Variants in CSMD1 observed in about 807,000 individuals in gnomAD.
CSMD1 encodes the protein CUB and sushi domain-containing protein 1.
A neutral mutation model predicts 417.5 loss-of-function variants in CSMD1; 213 were observed. The observed-to-expected ratio is 0.51, with a 90% CI of 0.46 to 0.57. The LOEUF (loss-of-function observed/expected upper bound fraction) is 0.57. CSMD1 is among the 20% of genes least tolerant of loss of function. The pLI, the probability that CSMD1 is intolerant of heterozygous loss-of-function variation, is 0.00. For synonymous variants in CSMD1, 2,862 were observed against 1,736.8 expected (o/e 1.65, Z -16.11); for missense variants, 6,923 against 4,529.7 (o/e 1.53, Z -15.17).
chr8:4,403,907 C>G (rs145919809), intron 3 of CSMD1, among the ~76,000 whole-genome samples: 1 of 152,296 alleles, frequency 6.6e-6, no homozygotes, highest in East Asian at 1.9e-4. Flanking sequence ...CCTACCCACA[C>G]CCGCATTAAC....
chr8:4,510,716 C>T (rs1259640717), intron 2 of CSMD1, among the ~76,000 whole-genome samples: 1 of 145,946 alleles, frequency 6.9e-6, no homozygotes, highest in Non-Finnish European at 1.5e-5. Context: ...TCCCCTTTCC[C>T]TTCCCTTCCT....
Position 4,066,215 on chromosome 8 carries a change from T to C in CSMD1, c.416-34116A>G, listed in dbSNP as rs373247419. ...TAGGGACTGTTTCAACTGCCAGTCA[T>C]GGGCAACGCCTCCTTCCTTCTTTGT... On this transcript the variant is annotated intron_variant, in intron 3 of 69. Transcript: ENST00000635120. Among the ~76,000 whole-genome samples, 31 of 152,350 alleles carry C rather than the reference T, an allele frequency of 2.0e-4. No homozygotes were observed. In the South Asian group the frequency reaches 6.4e-3, roughly 32 times the overall value.
chr8:3,646,991 T>C (rs1356070542), intron 7 of CSMD1, among the ~76,000 whole-genome samples: 1 of 152,204 alleles, frequency 6.6e-6, no homozygotes, highest in Non-Finnish European at 1.5e-5. Context: ...AAGGGCCAGA[T>C]ACGCATTTTT....
chr8:3,278,815 A>C lies in CSMD1; in HGVS notation c.4153+5329T>G, dbSNP rs550720260. On this transcript the variant is annotated intron_variant, in intron 26 of 69. Coordinates refer to ENST00000635120, the MANE Select transcript of CSMD1 (RefSeq NM_033225.6). ...TTTCCCACCTTTGGTTTGGAAAGAC[A>C]CCAGCTTGATTTAGTTTCATGGCTG... is the stretch of plus-strand genomic sequence containing the variant. The C allele has an allele frequency of 6.9e-4, 105 of 152,280 alleles. 1 individual carries two copies. The highest frequency in any genetic ancestry group is 2.4e-3 in the African/African-American group (99 of 41,526). 9.4% of individuals were successfully genotyped at this position (152,280 alleles called of 1,614,324 possible).
At chr8:4,961,193 T>C (rs1265633940) in intron 1 of CSMD1, among the ~76,000 whole-genome samples, 1 of 152,222 alleles carries the variant, frequency 6.6e-6, no homozygotes, top group East Asian at 1.9e-4. Context: ...ACTTTTAGAA[T>C]GCATAGTATT....
At chr8:4,680,642 T>C (rs1046747037) in intron 1 of CSMD1, among the ~76,000 whole-genome samples, 1 of 152,080 alleles carries the variant, frequency 6.6e-6, no homozygotes, top group Non-Finnish European at 1.5e-5. Context: ...TGCAGTGGCA[T>C]GATCTTGGCT....
At chr8:4,202,432 C>T (rs1047432467) in intron 3 of CSMD1, among the ~76,000 whole-genome samples, 1 of 152,060 alleles carries the variant, frequency 6.6e-6, no homozygotes, top group Non-Finnish European at 1.5e-5. Context: ...ATGTAGAGGT[C>T]GTGGAAATGT....
intron 3 of CSMD1, among the ~76,000 whole-genome samples, chr8:4,167,827 C>A (rs1341210222): frequency 2.6e-5 from 4 of 151,928 alleles, no homozygotes; most frequent in Admixed American, 1.3e-4. Context: ...CCATCTCTAC[C>A]AAGAATTATA....
chr8:4,011,832 T>C (rs1816561219), intron 4 of CSMD1, among the ~76,000 whole-genome samples: 2 of 152,162 alleles, frequency 1.3e-5, no homozygotes, highest in South Asian at 4.1e-4. Flanking sequence ...TGCACAGTCA[T>C]CTTTGGTATC....
At position 4,588,665 on chromosome 8, in the gene CSMD1, G is replaced by C. The variant is rs191882572; in HGVS notation, c.302+48677C>G. 2.0e-5 allele frequency among the ~76,000 whole-genome samples: 3 copies of C among 151,936 alleles called. No homozygotes were observed. In the East Asian group the frequency reaches 5.9e-4, roughly 30 times the overall value. On this transcript the variant is annotated intron_variant, in intron 2 of 69. Coordinates refer to ENST00000635120, the MANE Select transcript of CSMD1 (RefSeq NM_033225.6). ...CCGGGCGTGGTGGCGGGCGCCTTTA[G>C]TCCCAGCTACTCAAGAGGCTGAGGC...
At chr8:4,686,244 T>C (rs1388692882) in intron 1 of CSMD1, among the ~76,000 whole-genome samples, 1 of 152,236 alleles carries the variant, frequency 6.6e-6, no homozygotes, top group Non-Finnish European at 1.5e-5. Flanking sequence ...GATTTTCCTC[T>C]TGCCAAGCAC....
chr8:4,903,319 G>A (rs1044744650), intron 1 of CSMD1, among the ~76,000 whole-genome samples: 4 of 152,058 alleles, frequency 2.6e-5, no homozygotes, highest in African/African-American at 7.2e-5. Flanking sequence ...TTGCTTTATG[G>A]ATAAAATTAC....
chr8:3,607,667 GT>G (rs1563194851), intron 8 of CSMD1, among the ~76,000 whole-genome samples: 1 of 152,186 alleles, frequency 6.6e-6, no homozygotes, highest in Admixed American at 6.5e-5. Flanking sequence ...GTTAGGCAGT[GT>G]ATGACTGGAT....
intron 5 of CSMD1, among the ~76,000 whole-genome samples, chr8:3,930,582 T>C (rs945589457): frequency 1.3e-5 from 2 of 150,342 alleles, no homozygotes; most frequent in African/African-American, 4.9e-5. Context: ...TGAGGTCCCG[T>C]TCCAGCCAAA....
chr8:3,275,887 G>C (rs1187243994), intron 26 of CSMD1, among the ~76,000 whole-genome samples: 1 of 152,008 alleles, frequency 6.6e-6, no homozygotes, highest in East Asian at 1.9e-4. Flanking sequence ...TCCTCCTGTA[G>C]CTCAGAGTAA....
intron 8 of CSMD1, among the ~76,000 whole-genome samples, chr8:3,592,265 A>G (rs1800884245): frequency 6.6e-6 from 1 of 152,156 alleles, no homozygotes; most frequent in African/African-American, 2.4e-5. Flanking sequence ...AGACAGATAT[A>G]TATCTTTCTG....
At chr8:3,783,778 C>G (rs1159644096) in intron 5 of CSMD1, among the ~76,000 whole-genome samples, 1 of 152,122 alleles carries the variant, frequency 6.6e-6, no homozygotes, top group Admixed American at 6.6e-5. Flanking sequence ...AAAAGAAAGT[C>G]GCATAGGAGA....
chr8:4,791,826 A>G (rs987514761), intron 1 of CSMD1, among the ~76,000 whole-genome samples: 1 of 152,220 alleles, frequency 6.6e-6, no homozygotes, highest in African/African-American at 2.4e-5. Flanking sequence ...ACACTGACCT[A>G]CAAAATTCCA....
chr8:3,408,744 T>C (rs1318770151), intron 13 of CSMD1, among the ~76,000 whole-genome samples: 1 of 152,088 alleles, frequency 6.6e-6, no homozygotes, highest in Non-Finnish European at 1.5e-5. Flanking sequence ...AGTTGGATAA[T>C]ATAAAGTATT....
Sources: gnomAD v4.1 joint callset for allele counts (sites outside exome capture counted in the v4.1 genomes callset) on GRCh38, gnomAD v4.1.1 for gene constraint, MANE v1.5 for transcripts, NCBI Gene and HGNC (gene_info 2026-07-23, HGNC 2026-07-21) for gene names.